VPS53: variants seen among roughly 807,000 people sequenced by gnomAD.
VPS53 encodes the protein vacuolar protein sorting-associated protein 53 homolog.
A neutral mutation model predicts 107.0 loss-of-function variants in VPS53; 70 were observed. The observed-to-expected ratio is 0.65, with a 90% CI of 0.54 to 0.80. The LOEUF is 0.80. VPS53 is among the 30% of genes least tolerant of loss of function. VPS53 has a pLI of 0.00. For missense variants in VPS53, 917 were observed against 1,049.4 expected, an observed-to-expected ratio of 0.87 and a Z score of 1.74; for synonymous variants, 409 against 393.3, an observed-to-expected ratio of 1.04 and a Z score of -0.47.
chr17:551,823 C>T, intron 17 of VPS53, 49 bp downstream of exon 17: 1 of 1,506,768 alleles, frequency 6.6e-7, no homozygotes, highest in Non-Finnish European at 9.0e-7. Context: ...TAGAAGCCAC[C>T]TTGGGCTGCT....
At chr17:598,090 G>T (rs1490837059) in intron 12 of VPS53, among the ~76,000 whole-genome samples, 1 of 152,134 alleles carries the variant, frequency 6.6e-6, no homozygotes, top group African/African-American at 2.4e-5. Flanking sequence ...TCCTGACTCA[G>T]CCTGCCGAGT....
intron 4 of VPS53, among the ~76,000 whole-genome samples, chr17:668,571 G>C (rs1801485908): frequency 6.6e-6 from 1 of 152,172 alleles, no homozygotes; most frequent in Non-Finnish European, 1.5e-5. Context: ...GGAGTAAAAA[G>C]TGCAACAGAG....
intron 7 of VPS53, chr17:632,689 C>A (rs1241411483): frequency 2.2e-6 from 1 of 456,110 alleles, no homozygotes; most frequent in Non-Finnish European, 4.4e-6. Flanking sequence ...CCTCTGGGAC[C>A]CAGCGTTCTA....
intron 13 of VPS53, among the ~76,000 whole-genome samples, chr17:577,739 C>T (rs889648375): frequency 6.6e-6 from 1 of 151,620 alleles, no homozygotes; most frequent in Non-Finnish European, 1.5e-5. Flanking sequence ...GAGAACTTCC[C>T]CCAGAACCTA....
intron 19 of VPS53, chr17:522,904 T>C (rs991592927): frequency 4.6e-5 from 7 of 152,196 alleles, no homozygotes; most frequent in African/African-American, 1.2e-4. Flanking sequence ...GAGAAAAAGT[T>C]CCAGAGGATT....
At chr17:592,103 T>C (rs565936055) in intron 12 of VPS53, among the ~76,000 whole-genome samples, 1 of 152,208 alleles carries the variant, frequency 6.6e-6, no homozygotes, top group Non-Finnish European at 1.5e-5. Context: ...ATATTTAGGA[T>C]AGTTAGCTCT....
At chr17:620,883 T>C (rs545770429) in intron 11 of VPS53, among the ~76,000 whole-genome samples, 42 of 152,040 alleles carry the variant, frequency 2.8e-4, no homozygotes, top group Admixed American at 9.2e-4. Flanking sequence ...GCTGGGATTA[T>C]AGGCATGAGC....
rs188727681 is a variant in VPS53 at position 587,506 on chromosome 17, C to T, written c.1219-1142G>A. ...CAGGCAGGCAGGCAGACTATATTGTCTTTATTTTTTGCTTTAGGCCACTGC... is the reference window on the plus strand; with the variant it reads ...CAGGCAGGCAGGCAGACTATATTGTTTTTATTTTTTGCTTTAGGCCACTGC... On this transcript the variant is annotated intron_variant, in intron 12 of 21. Transcript: ENST00000437048. Among the ~76,000 whole-genome samples, 400 of 152,242 alleles carry T rather than the reference C, an allele frequency of 2.6e-3. 5 individuals carry two copies. Among genetic ancestry groups the T allele is most frequent in the Non-Finnish European group, 3.4e-3 (233 of 68,026 alleles).
intron 19 of VPS53, among the ~76,000 whole-genome samples, chr17:531,030 T>G (rs1352056702): frequency 6.6e-6 from 1 of 152,254 alleles, no homozygotes; most frequent in African/African-American, 2.4e-5. Context: ...CAAGTTTGGA[T>G]GGCAGCTGCT....
intron 4 of VPS53, among the ~76,000 whole-genome samples, chr17:683,882 A>C (rs770136023): frequency 1.3e-5 from 2 of 152,220 alleles, no homozygotes; most frequent in Non-Finnish European, 2.9e-5. Flanking sequence ...AACAATAAAA[A>C]TATTTTTAAA....
At chr17:681,199 C>T (rs997434034) in intron 4 of VPS53, among the ~76,000 whole-genome samples, 2 of 152,152 alleles carry the variant, frequency 1.3e-5, no homozygotes, top group Non-Finnish European at 2.9e-5. Flanking sequence ...TGCAGTGGTG[C>T]AATTTCGGCT....
chr17:571,244 AGGGGAGGGGT>A (rs1288126683), intron 13 of VPS53, among the ~76,000 whole-genome samples: 6 of 25,234 alleles, frequency 2.4e-4, no homozygotes, highest in Non-Finnish European at 4.3e-4. Flanking sequence ...AGAGGAAGGG[AGGGGAGGGGT>A]GGGGAGGGGA....
chr17:709,845 T>C (rs950744142), intron 2 of VPS53, among the ~76,000 whole-genome samples: 6 of 152,084 alleles, frequency 3.9e-5, no homozygotes, highest in African/African-American at 1.2e-4. Flanking sequence ...AAACGTGAAG[T>C]CTAAAAATCT....
intron 14 of VPS53, 30 bp from the exon 15 acceptor site, chr17:560,603 A>C: frequency 1.3e-6 from 2 of 1,597,366 alleles, no homozygotes; most frequent in South Asian, 1.1e-5. Context: ...ACAAGTCAGC[A>C]TGGAATTTCT....
At chr17:651,842 T>A (rs1344484747) in intron 7 of VPS53, among the ~76,000 whole-genome samples, 1 of 152,166 alleles carries the variant, frequency 6.6e-6, no homozygotes. Context: ...CAACTCCTCC[T>A]CGTCCTCCCT....
intron 17 of VPS53, among the ~76,000 whole-genome samples, chr17:551,118 C>T (rs1426535598): frequency 6.6e-6 from 1 of 151,720 alleles, no homozygotes; most frequent in Admixed American, 6.6e-5. Flanking sequence ...AATGAATCTC[C>T]CATATTCAAG....
At chr17:609,955 G>A (rs369696402) in intron 11 of VPS53, among the ~76,000 whole-genome samples, 10 of 152,006 alleles carry the variant, frequency 6.6e-5, no homozygotes, top group South Asian at 2.1e-4. Context: ...TGGTGAAACC[G>A]TCTCTACTAA....
chr17:627,371 T>C (rs1363255964), intron 9 of VPS53, 55 bp from the exon 10 acceptor site: 1 of 1,557,718 alleles, frequency 6.4e-7, no homozygotes, highest in African/African-American at 1.4e-5. Flanking sequence ...GAAATGGCAG[T>C]TCAAGGAAAC....
At chr17:634,080 T>C (rs2143204076) in intron 7 of VPS53, among the ~76,000 whole-genome samples, 1 of 152,342 alleles carries the variant, frequency 6.6e-6, no homozygotes, top group Non-Finnish European at 1.5e-5. Flanking sequence ...CACAGTCACA[T>C]TCTCAGGACT....
Sources: gnomAD v4.1 joint callset for allele counts (sites outside exome capture counted in the v4.1 genomes callset) on GRCh38, gnomAD v4.1.1 for gene constraint, MANE v1.5 for transcripts, NCBI Gene and HGNC (gene_info 2026-07-23, HGNC 2026-07-21) for gene names.